The following TRAPPC9 variants were observed in gnomAD, a reference collection of about 807,000 sequenced individuals.
TRAPPC9 encodes IKK2 binding protein.
In TRAPPC9, 83 loss-of-function variants were observed where a neutral mutation model predicts 124.0. The observed-to-expected ratio is 0.67, with a 90% CI of 0.56 to 0.80. The LOEUF is 0.80. Among genes scored for constraint, TRAPPC9 ranks in the 30% least tolerant of loss-of-function variants. TRAPPC9 has a pLI of 0.00. For missense variants in TRAPPC9, 1,302 were observed against 1,508.3 expected (o/e 0.86, Z 2.27); for synonymous variants, 638 against 617.5 (o/e 1.03, Z -0.49).
intron 18 of TRAPPC9, among the ~76,000 whole-genome samples, chr8:140,003,671 G>C (rs1251206348): frequency 6.6e-6 from 1 of 151,352 alleles, no homozygotes; most frequent in Non-Finnish European, 1.5e-5. Flanking sequence ...TATTAAAATG[G>C]GTAGAAAATC....
intron 17 of TRAPPC9, among the ~76,000 whole-genome samples, chr8:140,187,115 C>T (rs2062369661): frequency 2.6e-5 from 4 of 152,278 alleles, no homozygotes; most frequent in African/African-American, 4.8e-5. Flanking sequence ...AGTCACCCCT[C>T]GAACTACATA....
At chr8:139,858,006 T>C (rs549615858) in intron 21 of TRAPPC9, among the ~76,000 whole-genome samples, 2 of 152,336 alleles carry the variant, frequency 1.3e-5, no homozygotes, top group South Asian at 4.2e-4. Context: ...GAAAGGAGGC[T>C]TCACCATCTG....
intron 9 of TRAPPC9, among the ~76,000 whole-genome samples, chr8:140,315,259 C>T (rs1376877001): frequency 6.3e-5 from 7 of 111,838 alleles, no homozygotes; most frequent in Admixed American, 2.3e-4. Flanking sequence ...TTTTGGTGGG[C>T]ATGTGAGATT....
chr8:140,115,356 C>A (rs1363529270), intron 17 of TRAPPC9, among the ~76,000 whole-genome samples: 1 of 151,870 alleles, frequency 6.6e-6, no homozygotes, highest in East Asian at 1.9e-4. Context: ...CAACCTCTGC[C>A]TCCCAGGTTC....
At chr8:139,945,265 T>A (rs1184362618) in intron 19 of TRAPPC9, among the ~76,000 whole-genome samples, 2 of 152,090 alleles carry the variant, frequency 1.3e-5, no homozygotes, top group East Asian at 3.9e-4. Context: ...AAGGCATCCT[T>A]TGCAAATAGT....
At chr8:140,141,418 T>A (rs937504359) in intron 17 of TRAPPC9, among the ~76,000 whole-genome samples, 5 of 152,146 alleles carry the variant, frequency 3.3e-5, no homozygotes, top group Non-Finnish European at 7.4e-5. Context: ...CAGATTTTTT[T>A]AAAACCCAGT....
intron 17 of TRAPPC9, among the ~76,000 whole-genome samples, chr8:140,058,975 C>T (rs1227873467): frequency 2.0e-5 from 3 of 152,134 alleles, no homozygotes; most frequent in Non-Finnish European, 2.9e-5. Flanking sequence ...TTAAATCCAT[C>T]GTAATGAAGT....
intron 19 of TRAPPC9, among the ~76,000 whole-genome samples, chr8:139,954,156 T>C (rs1834834737): frequency 6.6e-6 from 1 of 152,188 alleles, no homozygotes; most frequent in East Asian, 1.9e-4. Flanking sequence ...GGAGCGATGA[T>C]GAGGGCACAG....
At chr8:140,222,309 A>G (rs2063353323) in intron 16 of TRAPPC9, among the ~76,000 whole-genome samples, 1 of 152,130 alleles carries the variant, frequency 6.6e-6, no homozygotes, top group Non-Finnish European at 1.5e-5. Flanking sequence ...TTTTTTTCTT[A>G]CTTGTTAACA....
intron 9 of TRAPPC9, among the ~76,000 whole-genome samples, chr8:140,359,277 G>T (rs1159369273): frequency 6.6e-6 from 1 of 152,134 alleles, no homozygotes; most frequent in Non-Finnish European, 1.5e-5. Context: ...CCAGCAGACA[G>T]CACTTCCCCA....
At chr8:139,750,615 G>A (rs576509789) in intron 21 of TRAPPC9, among the ~76,000 whole-genome samples, 2 of 152,302 alleles carry the variant, frequency 1.3e-5, no homozygotes, top group African/African-American at 4.8e-5. Flanking sequence ...CCCAAAGCTG[G>A]CTTGTGGCCC....
rs538922015 is a variant in TRAPPC9, at chr8:140,433,592, A to G, written c.859+1520T>C. The stretch of plus-strand genomic sequence containing the variant: ...GTGACAGAGCGAGACTCTGTCTCAA[A>G]AAACAACAACAACAACAACAAAAAC... On this transcript the variant is annotated intron_variant, in intron 4 of 22. Transcript: ENST00000438773. Among the ~76,000 whole-genome samples the G allele has an allele frequency of 5.6e-4, 85 of 152,320 alleles. 1 individual carries two copies. The highest frequency in any genetic ancestry group is 2.0e-3 in the African/African-American group (83 of 41,564).
chr8:139,932,504 T>G, intron 19 of TRAPPC9: 1 of 456,794 alleles, frequency 2.2e-6, no homozygotes, highest in Non-Finnish European at 4.4e-6. Flanking sequence ...GGCTCACGCC[T>G]GTAATCCCAG....
intron 8 of TRAPPC9, among the ~76,000 whole-genome samples, chr8:140,370,406 T>C (rs1292303862): frequency 6.6e-6 from 1 of 152,110 alleles, no homozygotes; most frequent in Non-Finnish European, 1.5e-5. Context: ...CCCAAAGTGC[T>C]GGGGATTACA....
intron 17 of TRAPPC9, among the ~76,000 whole-genome samples, chr8:140,158,702 A>C (rs1240941865): frequency 1.3e-5 from 2 of 152,224 alleles, no homozygotes; most frequent in Non-Finnish European, 1.5e-5. Flanking sequence ...CTAGTCCTGC[A>C]AGCTGAGCAG....
At chr8:140,441,299 G>C (rs2071009140) in intron 2 of TRAPPC9, among the ~76,000 whole-genome samples, 1 of 151,742 alleles carries the variant, frequency 6.6e-6, no homozygotes, top group Non-Finnish European at 1.5e-5. Flanking sequence ...GGTAGACAGT[G>C]TTTTGCTCAC....
intron 21 of TRAPPC9, among the ~76,000 whole-genome samples, chr8:139,854,507 A>G (rs1161510361): frequency 6.6e-6 from 1 of 152,198 alleles, no homozygotes. Context: ...GACCCAGCAC[A>G]CAGAACGCCT....
intron 21 of TRAPPC9, among the ~76,000 whole-genome samples, chr8:139,774,390 G>A (rs1821211212): frequency 6.6e-6 from 1 of 152,188 alleles, no homozygotes; most frequent in African/African-American, 2.4e-5. Context: ...GTGTGCGTGT[G>A]TCTGCACGGG....
Position 140,230,392 on chromosome 8 carries a change from T to C in TRAPPC9, c.2432-8809A>G, listed in dbSNP as rs1203527530. 3.9e-5 allele frequency among the ~76,000 whole-genome samples: 6 copies of C among 152,256 alleles called. No homozygotes were observed. In the East Asian group the frequency reaches 1.2e-3, roughly 29 times the overall value. On this transcript the variant is annotated intron_variant, in intron 16 of 22. Coordinates refer to ENST00000438773, the MANE Select transcript of TRAPPC9 (RefSeq NM_001160372.4). ...GGGAGGCCAAGGCAGGTGGATCGCCTGAGGTCAGGAGTTCAAGACCAGCCT... is the reference window on the plus strand; with the variant it reads ...GGGAGGCCAAGGCAGGTGGATCGCCCGAGGTCAGGAGTTCAAGACCAGCCT...
Sources: gnomAD v4.1 joint callset for allele counts (sites outside exome capture counted in the v4.1 genomes callset) on GRCh38, gnomAD v4.1.1 for gene constraint, MANE v1.5 for transcripts, NCBI Gene and HGNC (gene_info 2026-07-23, HGNC 2026-07-21) for gene names.